TMTC2: variants seen among roughly 807,000 people sequenced by gnomAD.
The protein encoded by TMTC2 is transmembrane O-mannosyltransferase targeting cadherins 2.
TMTC2 carries 43 observed loss-of-function variants against 82.4 expected under a neutral mutation model. That is an observed-to-expected ratio of 0.52 (90% confidence interval 0.41 to 0.67). TMTC2 has a LOEUF of 0.67. Among genes scored for constraint, TMTC2 ranks in the 30% least tolerant of loss-of-function variants. TMTC2 has a pLI of 0.00. For missense variants in TMTC2, 919 were observed against 1,012.4 expected, an observed-to-expected ratio of 0.91 and a Z score of 1.25; for synonymous variants, 408 against 381.9, an observed-to-expected ratio of 1.07 and a Z score of -0.80.
intron 4 of TMTC2, among the ~76,000 whole-genome samples, chr12:82,938,910 A>C (rs1326844871): frequency 6.6e-6 from 1 of 152,140 alleles, no homozygotes; most frequent in Non-Finnish European, 1.5e-5. Flanking sequence ...GTAAGCATTT[A>C]TACATGTGGT....
intron 7 of TMTC2, among the ~76,000 whole-genome samples, chr12:82,977,973 T>A (rs1256892204): frequency 6.6e-6 from 1 of 151,796 alleles, no homozygotes; most frequent in Non-Finnish European, 1.5e-5. Context: ...AATATTTTAC[T>A]ATATAATTGA....
chr12:82,924,572 T>A (rs1875588927), intron 3 of TMTC2, among the ~76,000 whole-genome samples: 1 of 152,066 alleles, frequency 6.6e-6, no homozygotes, highest in African/African-American at 2.4e-5. Flanking sequence ...ATAGGAGAGA[T>A]TTTCATTTGG....
At chr12:82,898,001 C>G (rs932724707) in intron 3 of TMTC2, among the ~76,000 whole-genome samples, 10 of 152,122 alleles carry the variant, frequency 6.6e-5, no homozygotes, top group African/African-American at 2.4e-4. Flanking sequence ...ACTCCAAAAG[C>G]TACTTTGGCA....
chr12:82,887,040 T>C (rs1231708884), intron 2 of TMTC2, among the ~76,000 whole-genome samples: 1 of 152,202 alleles, frequency 6.6e-6, no homozygotes, highest in Non-Finnish European at 1.5e-5. Context: ...TTTCTCTGTC[T>C]TATAACTTTC....
intron 1 of TMTC2, among the ~76,000 whole-genome samples, chr12:82,763,793 C>T (rs183043719): frequency 5.3e-5 from 8 of 152,232 alleles, no homozygotes; most frequent in Non-Finnish European, 8.8e-5. Flanking sequence ...AATATGGTTA[C>T]ATAGATAAAT....
At chr12:82,705,030 C>A (rs981316206) in intron 1 of TMTC2, among the ~76,000 whole-genome samples, 1 of 152,170 alleles carries the variant, frequency 6.6e-6, no homozygotes, top group African/African-American at 2.4e-5. Flanking sequence ...GAATTAATGG[C>A]ATTCGCAGTG....
chr12:82,770,816 G>A lies in TMTC2; in HGVS notation c.83+83147G>A, dbSNP rs571013382. ...ACTATCTAAAATTATCTTATTAGTT[G>A]TTTCCTTGCTTATTATCTATTTGCC... On this transcript the variant is annotated intron_variant, in intron 1 of 11. Coordinates refer to ENST00000321196, the MANE Select transcript of TMTC2 (RefSeq NM_152588.3). 6.5e-4 allele frequency among the ~76,000 whole-genome samples: 99 copies of A among 152,172 alleles called. 2 individuals are homozygous for A. The Middle Eastern group carries it at 0.014, about 21-fold the overall frequency.
chr12:83,000,805 C>T (rs1045803659), intron 8 of TMTC2, among the ~76,000 whole-genome samples: 2 of 152,202 alleles, frequency 1.3e-5, no homozygotes, highest in Non-Finnish European at 2.9e-5. Flanking sequence ...TTTGCCTGGT[C>T]ATCCAGGCAT....
intron 3 of TMTC2, among the ~76,000 whole-genome samples, chr12:82,914,821 T>C (rs1187730277): frequency 2.5e-5 from 3 of 119,940 alleles, no homozygotes; most frequent in Admixed American, 7.8e-5. Context: ...TCACTTATTT[T>C]TTTTTTTTTT....
intron 3 of TMTC2, among the ~76,000 whole-genome samples, chr12:82,909,900 TTTAA>T (rs1874542072): frequency 6.6e-6 from 1 of 152,144 alleles, no homozygotes; most frequent in Non-Finnish European, 1.5e-5. Context: ...TTTTGAAATA[TTTAA>T]TTCTCTTTCA....
chr12:83,095,515 C>T (rs1029366656), intron 11 of TMTC2, among the ~76,000 whole-genome samples: 10 of 152,310 alleles, frequency 6.6e-5, no homozygotes, highest in African/African-American at 2.4e-4. Context: ...GCTGGGATTA[C>T]AGGCATGAGC....
intron 1 of TMTC2, among the ~76,000 whole-genome samples, chr12:82,697,081 C>T (rs1157884497): frequency 2.0e-5 from 3 of 151,520 alleles, no homozygotes; most frequent in East Asian, 1.9e-4. Context: ...CGCAGTGGCT[C>T]ATGCCTGTAA....
chr12:82,767,591 A>C (rs934348456), intron 1 of TMTC2, among the ~76,000 whole-genome samples: 7 of 152,086 alleles, frequency 4.6e-5, no homozygotes, highest in African/African-American at 1.7e-4. Context: ...TCTCAAACAA[A>C]AAAAAAAGTT....
At chr12:82,971,147 A>G (rs547169079) in intron 7 of TMTC2, among the ~76,000 whole-genome samples, 3 of 151,944 alleles carry the variant, frequency 2.0e-5, no homozygotes, top group Non-Finnish European at 4.4e-5. Flanking sequence ...TAAGATAAAA[A>G]TTAGCACTCC....
intron 3 of TMTC2, among the ~76,000 whole-genome samples, chr12:82,927,952 C>T (rs141874035): frequency 5.2e-4 from 79 of 152,278 alleles, no homozygotes; most frequent in Admixed American, 9.1e-4. Flanking sequence ...AATTATGTGA[C>T]TGACTTCATT....
chr12:83,134,315 A>G lies in TMTC2; in HGVS notation c.*1926A>G, dbSNP rs2137579736. ...CAAAAAAAAAAAAGGAATTTAATAT[A>G]AGGCTATAGAGATTAATTCAGTGTC... On this transcript the variant is annotated 3_prime_UTR_variant, in exon 12 of 12. Coordinates refer to ENST00000321196, the MANE Select transcript of TMTC2 (RefSeq NM_152588.3). 6.6e-6 allele frequency: 1 copy of G among 152,580 alleles called. No homozygotes were observed. The highest frequency in any genetic ancestry group is 1.9e-4 in the East Asian group (1 of 5,182). The allele number at this position is 152,580 out of a possible 1,614,324, so 9.5% of individuals were successfully genotyped here.
At chr12:82,934,358 T>C (rs1205282950) in intron 4 of TMTC2, among the ~76,000 whole-genome samples, 1 of 152,132 alleles carries the variant, frequency 6.6e-6, no homozygotes, top group African/African-American at 2.4e-5. Flanking sequence ...TAGTTATTTC[T>C]CCTAATGCTA....
intron 4 of TMTC2, among the ~76,000 whole-genome samples, chr12:82,957,877 C>T (rs1318227290): frequency 6.6e-6 from 1 of 151,730 alleles, no homozygotes; most frequent in Admixed American, 6.6e-5. Flanking sequence ...AAAAGAAAAA[C>T]ACAAAAAACA....
At chr12:82,976,008 G>T (rs1006322212) in intron 7 of TMTC2, among the ~76,000 whole-genome samples, 4 of 151,912 alleles carry the variant, frequency 2.6e-5, no homozygotes, top group Non-Finnish European at 4.4e-5. Flanking sequence ...CCTGAAGACA[G>T]TATTATATTT....
Sources: allele counts gnomAD v4.1 joint callset (sites outside exome capture counted in the v4.1 genomes callset), GRCh38; gene constraint gnomAD v4.1.1; transcripts MANE v1.5; gene names NCBI Gene and HGNC (gene_info 2026-07-23, HGNC 2026-07-21).